The following MAN1A2 variants were observed in gnomAD, a reference collection of about 807,000 sequenced individuals.
MAN1A2 encodes mannosyl-oligosaccharide 1,2-alpha-mannosidase IB.
MAN1A2 carries 26 observed loss-of-function variants against 75.7 expected under a neutral mutation model. The observed-to-expected ratio is 0.34, with a 90% CI of 0.25 to 0.48. The LOEUF (loss-of-function observed/expected upper bound fraction) is 0.48. Among genes scored for constraint, MAN1A2 ranks in the 20% least tolerant of loss-of-function variants. The probability of loss-of-function intolerance (pLI) is 0.99; values close to 1 mark genes in which losing one functional copy is unlikely to be tolerated. For synonymous variants in MAN1A2, 247 were observed against 264.6 expected (o/e 0.93, Z 0.65); for missense variants, 562 against 775.5 (o/e 0.72, Z 3.27).
intron 12 of MAN1A2, among the ~76,000 whole-genome samples, chr1:117,514,115 C>A (rs1651631012): frequency 6.6e-6 from 1 of 152,152 alleles, no homozygotes; most frequent in Admixed American, 6.5e-5. Flanking sequence ...GTAATCCCAG[C>A]ACTTTGGGAG....
intron 12 of MAN1A2, among the ~76,000 whole-genome samples, chr1:117,521,745 G>A (rs556936091): frequency 6.6e-6 from 1 of 152,014 alleles, no homozygotes; most frequent in South Asian, 2.1e-4. Context: ...TAGCAGCACA[G>A]TTCACCATTG....
At chr1:117,442,699 C>T (rs1244254708) in intron 6 of MAN1A2, among the ~76,000 whole-genome samples, 2 of 151,824 alleles carry the variant, frequency 1.3e-5, no homozygotes, top group African/African-American at 4.8e-5. Flanking sequence ...TTTTATATAC[C>T]ACCTCCTGAT....
intron 3 of MAN1A2, among the ~76,000 whole-genome samples, chr1:117,406,549 A>G (rs1419836216): frequency 6.6e-6 from 1 of 152,096 alleles, no homozygotes; most frequent in African/African-American, 2.4e-5. Flanking sequence ...CTTGCTTTTG[A>G]TCAAAAAAGA....
At chr1:117,519,022 C>T (rs999606458) in intron 12 of MAN1A2, among the ~76,000 whole-genome samples, 8 of 152,070 alleles carry the variant, frequency 5.3e-5, no homozygotes, top group African/African-American at 1.9e-4. Flanking sequence ...TGGAAAGCAA[C>T]TCCAAAAGGA....
At chr1:117,444,309 T>TGCCATATACTGCCAATA (rs1649140163) in intron 6 of MAN1A2, among the ~76,000 whole-genome samples, 1 of 152,118 alleles carries the variant, frequency 6.6e-6, no homozygotes, top group Non-Finnish European at 1.5e-5. Context: ...AATAGCATCC[T>TGCCATATACTGCCAATA]GTTATACATG....
Position 117,523,388 on chromosome 1 carries a change from A to G in MAN1A2, c.*431A>G. 1 of 378,278 alleles carries G rather than the reference A, an allele frequency of 2.6e-6. No individual in the cohort carries two copies. 23.4% of individuals were successfully genotyped at this position (378,278 alleles called of 1,614,324 possible). On this transcript the variant is annotated 3_prime_UTR_variant, in exon 13 of 13. Transcript: ENST00000356554. The stretch of plus-strand genomic sequence containing the variant: ...GGAGCAGCATTCAAATCAAATATTT[A>G]CATATTGCTTATCACTTTTTCTCCA...
At position 117,497,918 on chromosome 1, in the gene MAN1A2, T is replaced by C. The variant is rs183484137; in HGVS notation, c.1504+936T>C. Among the ~76,000 whole-genome samples, 109 of 152,054 alleles carry C rather than the reference T, an allele frequency of 7.2e-4. 1 individual carries two copies. Among genetic ancestry groups the C allele is most frequent in the African/African-American group, 2.6e-3 (108 of 41,540 alleles). ...TTTTATTAAATAACAATTTCTGTTT[T>C]AGGGTTAATTTATCATCAGATACCA... On this transcript the variant is annotated intron_variant, in intron 10 of 12. Transcript: ENST00000356554.
intron 8 of MAN1A2, among the ~76,000 whole-genome samples, chr1:117,486,902 A>T (rs1197103959): frequency 6.6e-6 from 1 of 151,854 alleles, no homozygotes; most frequent in Non-Finnish European, 1.5e-5. Context: ...ACAAACAAAT[A>T]AAAAAAAGAC....
intron 12 of MAN1A2, among the ~76,000 whole-genome samples, chr1:117,520,837 C>G (rs985228672): frequency 1.3e-5 from 2 of 151,782 alleles, no homozygotes; most frequent in Admixed American, 1.3e-4. Context: ...TCATATGGAA[C>G]AAAAAAAGAG....
intron 3 of MAN1A2, 125 bp from the exon 4 acceptor site, chr1:117,414,588 A>ATATATATAATTATATATATAATTAT (rs1236167457): frequency 1.7e-5 from 9 of 540,028 alleles, no homozygotes; most frequent in Non-Finnish European, 6.7e-6. Context: ...CTCTTACTTT[A>ATATATATAATTATATATATAATTAT]GTTTACCTTT....
At chr1:117,423,983 A>G (rs938618898) in intron 5 of MAN1A2, among the ~76,000 whole-genome samples, 1 of 151,552 alleles carries the variant, frequency 6.6e-6, no homozygotes, top group African/African-American at 2.4e-5. Context: ...CCCGGGTTCA[A>G]GCGATTCTCC....
At chr1:117,371,847 A>G (rs58242601) in intron 1 of MAN1A2, among the ~76,000 whole-genome samples, 38,038 of 151,146 alleles carry the variant, frequency 0.25, 5,543 homozygotes, top group East Asian at 0.48. Flanking sequence ...ATTAGAGGTT[A>G]TGGCAACATC....
intron 7 of MAN1A2, among the ~76,000 whole-genome samples, chr1:117,465,215 C>G (rs1283888362): frequency 6.6e-6 from 1 of 151,876 alleles, no homozygotes; most frequent in Admixed American, 6.6e-5. Flanking sequence ...TTGAGAAAAG[C>G]TAGTAAATGT....
rs1166115713 is a variant in MAN1A2 at position 117,526,591 on chromosome 1, AAGC to A, written c.*3637_*3639del. 30 of 151,570 alleles carry A rather than the reference AAGC, an allele frequency of 2.0e-4. No individual in the cohort carries two copies. Among genetic ancestry groups the A allele is most frequent in the Non-Finnish European group, 3.8e-4 (26 of 67,658 alleles). The allele number at this position is 151,570 out of a possible 1,614,324, so 9.4% of individuals were successfully genotyped here. A position where few individuals can be genotyped will look rare whatever the true frequency, so the allele number is the denominator to read the frequency against. On this transcript the variant is annotated 3_prime_UTR_variant, in exon 13 of 13. Transcript: ENST00000356554. Reference sequence around the variant, plus strand: ...ATATCACTTTAATTGCATAATTAAAAAGCAGTGTTTTATAGAAATGCTGGTTAT... The same window carrying A: ...ATATCACTTTAATTGCATAATTAAAAAGTGTTTTATAGAAATGCTGGTTAT...
chr1:117,518,511 A>G (rs1056755657), intron 12 of MAN1A2, among the ~76,000 whole-genome samples: 7 of 152,068 alleles, frequency 4.6e-5, no homozygotes, highest in African/African-American at 1.7e-4. Flanking sequence ...GATTTAAAAA[A>G]ACAGTAAAGA....
At chr1:117,463,715 A>G (rs1387048750) in intron 7 of MAN1A2, among the ~76,000 whole-genome samples, 2 of 115,904 alleles carry the variant, frequency 1.7e-5, no homozygotes, top group African/African-American at 6.3e-5. Flanking sequence ...AAAAACAGTA[A>G]AAAAAAAAAG....
intron 5 of MAN1A2, among the ~76,000 whole-genome samples, chr1:117,440,645 A>G (rs971774763): frequency 1.1e-4 from 16 of 152,082 alleles, no homozygotes; most frequent in African/African-American, 3.9e-4. Context: ...GCTATTAATG[A>G]TACAATATTT....
chr1:117,404,592 A>T (rs1308285763), intron 2 of MAN1A2, among the ~76,000 whole-genome samples: 1 of 152,178 alleles, frequency 6.6e-6, no homozygotes, highest in African/African-American at 2.4e-5. Context: ...TACATAGACC[A>T]TCAGATTGCA....
At chr1:117,415,779 T>C (rs1647971370) in intron 4 of MAN1A2, among the ~76,000 whole-genome samples, 1 of 152,136 alleles carries the variant, frequency 6.6e-6, no homozygotes, top group African/African-American at 2.4e-5. Context: ...GGCTTCAGTG[T>C]ATATCTTAGA....
Sources: gnomAD v4.1 joint callset for allele counts (sites outside exome capture counted in the v4.1 genomes callset) on GRCh38, gnomAD v4.1.1 for gene constraint, MANE v1.5 for transcripts, NCBI Gene and HGNC (gene_info 2026-07-23, HGNC 2026-07-21) for gene names.